CASQ1: variants seen among roughly 807,000 people sequenced by gnomAD.
CASQ1 encodes the protein calsequestrin-1.
CASQ1 carries 40 observed loss-of-function variants against 49.5 expected under a neutral mutation model. That is an observed-to-expected ratio of 0.81 (90% CI 0.63 to 1.05). The LOEUF (loss-of-function observed/expected upper bound fraction) is 1.05. CASQ1 is among the 50% of genes least tolerant of loss of function. The probability of loss-of-function intolerance (pLI) is 0.00; values close to 1 mark genes in which losing one functional copy is unlikely to be tolerated. For missense variants in CASQ1, 469 were observed against 486.9 expected (o/e 0.96, Z 0.35); for synonymous variants, 174 against 187.2 (o/e 0.93, Z 0.58).
At chr1:160,200,546 A>G (rs1263174146) in intron 10 of CASQ1, among the ~76,000 whole-genome samples, 1 of 152,258 alleles carries the variant, frequency 6.6e-6, no homozygotes, top group African/African-American at 2.4e-5. Context: ...TCTACAATGT[A>G]TACGATTTCA....
intron 10 of CASQ1, 40 bp from the exon 11 acceptor site, chr1:160,201,205 G>A (rs1163102466): frequency 6.2e-7 from 1 of 1,600,460 alleles, no homozygotes; most frequent in Non-Finnish European, 8.5e-7. Context: ...TAAGACCCGG[G>A]TTGGACTTAG....
Position 160,190,702 on chromosome 1 carries a change from C to T in CASQ1, c.-50C>T. On this transcript the variant is annotated 5_prime_UTR_variant, in exon 1 of 11. Transcript: ENST00000368078. Reference sequence around the variant, plus strand: ...GGGACCCAGGGGCCCCTCCCTACCCCAGCTAACCTCTTCTGGACCAGGAGA... The same window carrying T: ...GGGACCCAGGGGCCCCTCCCTACCCTAGCTAACCTCTTCTGGACCAGGAGA... 6 of 1,580,810 alleles carry T rather than the reference C, an allele frequency of 3.8e-6. No homozygotes were observed. The highest frequency in any genetic ancestry group is 5.2e-6 in the Non-Finnish European group (6 of 1,160,176).
intron 9 of CASQ1, 72 bp from the exon 10 acceptor site, chr1:160,199,779 C>G: frequency 9.4e-7 from 1 of 1,067,174 alleles, no homozygotes; most frequent in Middle Eastern, 2.0e-4. Context: ...TGGGCTGACC[C>G]TCACACTCAT....
chr1:160,199,882 T>C lies in CASQ1; in HGVS notation c.1016T>C (p.Ile339Thr). 6.2e-7 allele frequency: 1 copy of C among 1,613,750 alleles called. No individual in the cohort carries two copies. The highest frequency in any genetic ancestry group is 8.5e-7 in the Non-Finnish European group (1 of 1,179,606). The change falls in exon 10 of 11, where the codon ATC becomes ACC. Residue 339 changes from isoleucine to threonine, a missense_variant. Transcript: ENST00000368078. ...CCATACTGGGAGAAGACGTTTGACA[T>C]CGACTTGTCAGCCCCACAAATAGGA... ...LVPYWEKTFD[I>T]DLSAPQIGVV...
intron 9 of CASQ1, 78 bp from the exon 10 acceptor site, chr1:160,199,773 C>A: frequency 2.0e-6 from 2 of 986,804 alleles, no homozygotes; most frequent in Non-Finnish European, 3.3e-6. Flanking sequence ...CATCCCTGGG[C>A]TGACCCTCAC....
At chr1:160,200,009 G>C (rs1654332305) in intron 10 of CASQ1, 84 bp downstream of exon 10, 2 of 923,946 alleles carry the variant, frequency 2.2e-6, no homozygotes, top group South Asian at 1.3e-5. Context: ...CTAACTAGGA[G>C]TTGGGCCCTT....
intron 9 of CASQ1, 133 bp from the exon 10 acceptor site, chr1:160,199,718 G>A: frequency 1.5e-6 from 1 of 673,828 alleles, no homozygotes; most frequent in Non-Finnish European, 2.8e-6. Context: ...TGCCCTCACA[G>A]GTGGACCTGT....
intron 6 of CASQ1, among the ~76,000 whole-genome samples, chr1:160,196,399 C>T (rs574962012): frequency 6.6e-6 from 1 of 152,182 alleles, no homozygotes; most frequent in South Asian, 2.1e-4. Flanking sequence ...AAAGTTTCTA[C>T]AGGTAATAAG....
chr1:160,201,649 T>C lies in CASQ1; in HGVS notation c.*273T>C, dbSNP rs1312467449. The C allele has an allele frequency of 6.0e-6, 3 of 501,172 alleles. No homozygotes were observed. The highest frequency in any genetic ancestry group is 1.1e-5 in the Non-Finnish European group (3 of 275,208). The allele number at this position is 501,172 out of a possible 1,614,324, so 31.0% of individuals were successfully genotyped here. On this transcript the variant is annotated 3_prime_UTR_variant, in exon 11 of 11. Coordinates refer to ENST00000368078, the MANE Select transcript of CASQ1 (RefSeq NM_001231.5). Reference sequence around the variant, plus strand: ...CTATTATGTGTCTCTTCCATCACTCTCCATACTCTTTCTTGTGATTCTCCT... The same window carrying C: ...CTATTATGTGTCTCTTCCATCACTCCCCATACTCTTTCTTGTGATTCTCCT...
Position 160,201,366 on chromosome 1 carries a change from A to G in CASQ1, c.1181A>G (p.Asp394Gly), listed in dbSNP as rs1022885249. 4.5e-5 allele frequency: 73 copies of G among 1,613,880 alleles called. No homozygotes were observed. Among genetic ancestry groups the G allele is most frequent in the Non-Finnish European group, 6.1e-5 (72 of 1,179,934 alleles). ...EINTEDDDDD[D>G]DD ...AACACAGAGGACGATGACGATGATG[A>G]TGATGACTAGTTGCTATGGCAACCA... The change falls in exon 11 of 11, where the codon GAT (aspartate) becomes GGT (glycine). Residue 394 changes from aspartate to glycine, a missense_variant. Asp to Gly is a moderately conservative substitution (Grantham distance 94, BLOSUM62 -1). Transcript: ENST00000368078.
At chr1:160,192,606 T>G (rs1654102591) in intron 1 of CASQ1, 196 bp from the exon 2 acceptor site, 1 of 593,410 alleles carries the variant, frequency 1.7e-6, no homozygotes, top group Non-Finnish European at 3.0e-6. Flanking sequence ...CAATCAATAT[T>G]CATGAACTAA....
At chr1:160,194,279 A>C (rs1450317142) in intron 3 of CASQ1, among the ~76,000 whole-genome samples, 1 of 147,792 alleles carries the variant, frequency 6.8e-6, no homozygotes, top group Non-Finnish European at 1.5e-5. Flanking sequence ...CACACACACC[A>C]CATCCATGCC....
At position 160,199,063 on chromosome 1, in the gene CASQ1, A is replaced by G; in HGVS notation, c.984+10A>G. The G allele has an allele frequency of 6.6e-7, 1 of 1,510,002 alleles. No individual in the cohort carries two copies. Among genetic ancestry groups the G allele is most frequent in the Non-Finnish European group, 9.2e-7 (1 of 1,084,912 alleles). The allele number at this position is 1,510,002 out of a possible 1,614,324, so 93.5% of individuals were successfully genotyped here. The stretch of plus-strand genomic sequence containing the variant: ...TGATGACTTCCCCCTGGTAAGAGGC[A>G]CAGCTCAGGCACTGCTATCTTAAGG... On this transcript the variant is annotated intron_variant, in intron 9 of 10. Transcript: ENST00000368078.
chr1:160,195,620 G>T, intron 5 of CASQ1, 86 bp downstream of exon 5: 12 of 1,274,044 alleles, frequency 9.4e-6, no homozygotes, highest in Non-Finnish European at 1.4e-5. Context: ...TGGCTGACCT[G>T]GTCCCTTCCT....
intron 9 of CASQ1, 56 bp downstream of exon 9, chr1:160,199,109 T>A: frequency 9.2e-7 from 1 of 1,083,190 alleles, no homozygotes; most frequent in East Asian, 2.4e-5. Flanking sequence ...GACTGTGACA[T>A]CTTCTTAGTG....
At chr1:160,199,498 A>G (rs532581974) in intron 9 of CASQ1, among the ~76,000 whole-genome samples, 1 of 152,328 alleles carries the variant, frequency 6.6e-6, no homozygotes, top group African/African-American at 2.4e-5. Context: ...GGCACTTACC[A>G]GGTATACTTG....
rs562119640 is a variant in CASQ1 at position 160,201,397 on chromosome 1, C to T, written c.*21C>T. The T allele has an allele frequency of 2.0e-4, 318 of 1,613,022 alleles. 3 individuals are homozygous for T. The East Asian group carries it at 3.9e-3, about 20-fold the overall frequency. On this transcript the variant is annotated 3_prime_UTR_variant, in exon 11 of 11. Transcript: ENST00000368078. ...ACTAGTTGCTATGGCAACCATCTTTCAGCCCCACTGGTCTTTTCATGCTCT... is the reference window on the plus strand; with the variant it reads ...ACTAGTTGCTATGGCAACCATCTTTTAGCCCCACTGGTCTTTTCATGCTCT...
In CASQ1 at chr1:160,195,525, C is replaced by T. The variant is rs777919700; in HGVS notation, c.642C>T (p.Phe214=). The T allele has an allele frequency of 3.7e-6, 6 of 1,613,592 alleles. No homozygotes were observed. The highest frequency in any genetic ancestry group is 1.1e-5 in the South Asian group (1 of 91,062). ...FHPYIPFFAT[F]DSKVAKKLTL... ...CCTACATCCCCTTCTTCGCCACCTT[C>T]GACAGCAAGGTTCTCCTCCCCGCAG... The change falls in exon 5 of 11, where the codon TTC becomes TTT. Residue 214 remains phenylalanine (F), a synonymous_variant. Coordinates refer to ENST00000368078, the MANE Select transcript of CASQ1 (RefSeq NM_001231.5).
intron 9 of CASQ1, among the ~76,000 whole-genome samples, 161 bp downstream of exon 9, chr1:160,199,214 G>A (rs1415963445): frequency 6.6e-6 from 1 of 152,168 alleles, no homozygotes; most frequent in Non-Finnish European, 1.5e-5. Flanking sequence ...TTGGCATGGA[G>A]GGCATCCTGA....
Sources: gnomAD v4.1 joint callset for allele counts (sites outside exome capture counted in the v4.1 genomes callset) on GRCh38, gnomAD v4.1.1 for gene constraint, MANE v1.5 for transcripts, NCBI Gene and HGNC (gene_info 2026-07-23, HGNC 2026-07-21) for gene names.